The following SERPINB12 variants were observed in gnomAD, a reference collection of about 807,000 sequenced individuals.
SERPINB12 encodes serpin B12.
A neutral mutation model predicts 41.1 loss-of-function variants in SERPINB12; 57 were observed. That is an observed-to-expected ratio of 1.39 (90% CI 1.12 to 1.73). SERPINB12 has a LOEUF of 1.73. SERPINB12 is among the 40% of genes most tolerant of loss of function. The pLI, the probability that SERPINB12 is intolerant of heterozygous loss-of-function variation, is 0.00. For missense variants in SERPINB12, 536 were observed against 501.9 expected, an observed-to-expected ratio of 1.07 and a Z score of -0.65; for synonymous variants, 180 against 181.3, an observed-to-expected ratio of 0.99 and a Z score of 0.06.
the SERPINB12 span, among the ~76,000 whole-genome samples, chr18:63,524,766 T>C: frequency 4.4e-4 from 67 of 150,704 alleles, no homozygotes; most frequent in African/African-American, 1.5e-3. Context: ...TTTTTTTTTT[T>C]TTCGTGACAG....
At chr18:63,537,658 G>T (rs978623450), upstream of SERPINB12, among the ~76,000 whole-genome samples, 2 of 152,068 alleles carry the variant, frequency 1.3e-5, no homozygotes, top group African/African-American at 4.8e-5. Context: ...ACTTTCTAGG[G>T]AGGCAACTAC....
chr18:63,559,390 C>A (rs189129288), intron 3 of SERPINB12, among the ~76,000 whole-genome samples, 188 bp from the exon 4 acceptor site: 22 of 152,264 alleles, frequency 1.4e-4, no homozygotes, highest in African/African-American at 5.3e-4. Context: ...TAATCTTCCA[C>A]TGGGACCACT....
At chr18:63,544,742 T>C (rs1315015112) in intron 1 of SERPINB12, among the ~76,000 whole-genome samples, 5 of 152,190 alleles carry the variant, frequency 3.3e-5, no homozygotes, top group African/African-American at 1.2e-4. Context: ...TTTTAGTCTT[T>C]ATTGTTGTTT....
chr18:63,551,483 G>A (rs564982590), intron 1 of SERPINB12, among the ~76,000 whole-genome samples: 32 of 151,760 alleles, frequency 2.1e-4, no homozygotes, highest in Non-Finnish European at 3.5e-4. Flanking sequence ...ATGCCACCAT[G>A]CCTGGCTAAT....
chr18:63,564,156 A>T (rs1488853345), intron 6 of SERPINB12, 36 bp downstream of exon 6: 1 of 1,589,894 alleles, frequency 6.3e-7, no homozygotes, highest in South Asian at 1.2e-5. Context: ...CTAGCTAGCC[A>T]ACTCATAATT....
chr18:63,558,396 T>C lies in SERPINB12; in HGVS notation c.213T>C (p.Pro71=), dbSNP rs753037877. 1.2e-6 allele frequency: 2 copies of C among 1,613,952 alleles called. No homozygotes were observed. The highest frequency in any genetic ancestry group is 1.7e-5 in the Admixed American group (1 of 60,010). ...NEFSQNESKE[P]DPCLKSNKQK... Reference sequence around the variant, plus strand: ...TTTCCCAGAATGAAAGCAAAGAACCTGACCCTTGTCTGAAAAGCAACAAAC... The same window carrying C: ...TTTCCCAGAATGAAAGCAAAGAACCCGACCCTTGTCTGAAAAGCAACAAAC... The change falls in exon 3 of 8, where the codon CCT becomes CCC. Residue 71 remains proline, a synonymous_variant. Coordinates refer to ENST00000382768, the MANE Select transcript of SERPINB12 (RefSeq NM_001307928.2).
At chr18:63,564,214 A>G (rs1911018743) in intron 6 of SERPINB12, 94 bp downstream of exon 6, 4 of 1,319,790 alleles carry the variant, frequency 3.0e-6, no homozygotes, top group Admixed American at 4.5e-5. Flanking sequence ...GTTACAGCTT[A>G]CATTTACAAT....
intron 1 of SERPINB12, among the ~76,000 whole-genome samples, chr18:63,550,846 G>A (rs1460187749): frequency 6.6e-6 from 1 of 152,172 alleles, no homozygotes; most frequent in Non-Finnish European, 1.5e-5. Flanking sequence ...GAGACAGTCT[G>A]CTACTGTCCC....
At chr18:63,537,497 A>G (rs551532618), upstream of SERPINB12, among the ~76,000 whole-genome samples, 1 of 152,344 alleles carries the variant, frequency 6.6e-6, no homozygotes, top group South Asian at 2.1e-4. Flanking sequence ...ATAGAGTTGG[A>G]ACAGTTTTAT....
intron 3 of SERPINB12, 34 bp from the exon 4 acceptor site, chr18:63,559,544 A>G: frequency 6.2e-7 from 1 of 1,611,554 alleles, no homozygotes; most frequent in Non-Finnish European, 8.5e-7. Context: ...TGATAGACAC[A>G]GTGAAGGTCA....
intron 5 of SERPINB12, among the ~76,000 whole-genome samples, chr18:63,562,917 G>T (rs1164786001): frequency 6.6e-6 from 1 of 152,172 alleles, no homozygotes; most frequent in Non-Finnish European, 1.5e-5. Context: ...GTAGGAAAGG[G>T]TGTATACTAA....
At chr18:63,537,476 CA>C (rs1483040783), upstream of SERPINB12, among the ~76,000 whole-genome samples, 1 of 152,134 alleles carries the variant, frequency 6.6e-6, no homozygotes, top group African/African-American at 2.4e-5. Flanking sequence ...GATGACATAC[CA>C]GGGGTAATGA....
rs1910824416 is a variant in SERPINB12 at position 63,559,444 on chromosome 18, G to A, written c.304-134G>A. On this transcript the variant is annotated intron_variant, in intron 3 of 7. Coordinates refer to ENST00000382768, the MANE Select transcript of SERPINB12 (RefSeq NM_001307928.2). ...TGTTCTTCCCAGCTCACTTCCCCCAGCATGGTAACAGAGACAGCTGACATC... is the reference window on the plus strand; with the variant it reads ...TGTTCTTCCCAGCTCACTTCCCCCAACATGGTAACAGAGACAGCTGACATC... 12 of 847,524 alleles carry A rather than the reference G, an allele frequency of 1.4e-5. No individual in the cohort carries two copies. The South Asian group carries it at 2.1e-4, about 15-fold the overall frequency. 52.5% of individuals were successfully genotyped at this position (847,524 alleles called of 1,614,324 possible).
intron 5 of SERPINB12, among the ~76,000 whole-genome samples, chr18:63,561,556 T>C (rs570615276): frequency 6.6e-6 from 1 of 152,088 alleles, no homozygotes; most frequent in Admixed American, 6.6e-5. Flanking sequence ...TCCAAAGAAA[T>C]AGAGATCATT....
chr18:63,526,059 T>C, the SERPINB12 span, among the ~76,000 whole-genome samples: 5 of 152,208 alleles, frequency 3.3e-5, no homozygotes, highest in African/African-American at 1.2e-4. Context: ...TCTGAAGACA[T>C]TTCTATTTTT....
intron 1 of SERPINB12, among the ~76,000 whole-genome samples, chr18:63,543,292 C>T (rs976462310): frequency 1.1e-4 from 16 of 152,114 alleles, no homozygotes; most frequent in Non-Finnish European, 7.4e-5. Context: ...AATGGCAGTC[C>T]CCTTTACTAA....
upstream of SERPINB12, among the ~76,000 whole-genome samples, chr18:63,538,624 G>A (rs1402922811): frequency 9.9e-5 from 15 of 151,906 alleles, no homozygotes; most frequent in East Asian, 2.9e-3. Flanking sequence ...TTTCTTTTTG[G>A]CTATTATGAT....
chr18:63,554,904 G>A (rs952131692), intron 1 of SERPINB12, among the ~76,000 whole-genome samples: 2 of 152,176 alleles, frequency 1.3e-5, no homozygotes, highest in African/African-American at 4.8e-5. Flanking sequence ...TCTTGTGATA[G>A]TGAGTGAATT....
At chr18:63,537,787 A>G (rs1910202973), upstream of SERPINB12, among the ~76,000 whole-genome samples, 1 of 152,208 alleles carries the variant, frequency 6.6e-6, no homozygotes, top group Non-Finnish European at 1.5e-5. Context: ...ACACTTAATG[A>G]CTAATCTTCA....
Sources: gnomAD v4.1 joint callset for allele counts (sites outside exome capture counted in the v4.1 genomes callset) on GRCh38, gnomAD v4.1.1 for gene constraint, MANE v1.5 for transcripts, NCBI Gene and HGNC (gene_info 2026-07-23, HGNC 2026-07-21) for gene names.